XRCC4: variants seen among roughly 807,000 people sequenced by gnomAD.
The protein encoded by XRCC4 is DNA repair protein XRCC4.
In XRCC4, 28 loss-of-function variants were observed where a neutral mutation model predicts 39.1. That is an observed-to-expected ratio of 0.72 (90% CI 0.53 to 0.98). The LOEUF is 0.98. XRCC4 is among the 50% of genes least tolerant of loss of function. The pLI, the probability that XRCC4 is intolerant of heterozygous loss-of-function variation, is 0.00. For missense variants in XRCC4, 350 were observed against 376.4 expected (o/e 0.93, Z 0.58); for synonymous variants, 123 against 126.4 (o/e 0.97, Z 0.18).
chr5:83,112,430 C>T (rs747894236), intron 3 of XRCC4, among the ~76,000 whole-genome samples: 6 of 152,238 alleles, frequency 3.9e-5, no homozygotes, highest in South Asian at 2.1e-4. Context: ...TTTTGTGCAG[C>T]GATTTTCTAG....
intron 6 of XRCC4, among the ~76,000 whole-genome samples, chr5:83,217,000 T>TA (rs535197147): frequency 0.049 from 7,141 of 146,376 alleles, 504 homozygotes; most frequent in African/African-American, 0.17. Context: ...AGTTTCTTTC[T>TA]AAAAAAAAAA....
At chr5:83,112,368 G>T (rs1746483147) in intron 3 of XRCC4, among the ~76,000 whole-genome samples, 1 of 152,164 alleles carries the variant, frequency 6.6e-6, no homozygotes, top group Non-Finnish European at 1.5e-5. Context: ...GCCAAATTGG[G>T]ATTAATGCCA....
At chr5:83,327,611 AAATATAT>A (rs1392668445) in intron 7 of XRCC4, among the ~76,000 whole-genome samples, 1 of 152,118 alleles carries the variant, frequency 6.6e-6, no homozygotes, top group African/African-American at 2.4e-5. Flanking sequence ...TGTATACCAT[AAATATAT>A]ACAATTATTT....
At chr5:83,168,859 A>G (rs981336550) in intron 3 of XRCC4, among the ~76,000 whole-genome samples, 2 of 152,332 alleles carry the variant, frequency 1.3e-5, no homozygotes, top group South Asian at 2.1e-4. Flanking sequence ...TTAAATGCAT[A>G]TTTTAGCAAA....
At chr5:83,345,100 A>T (rs1756878919) in intron 7 of XRCC4, among the ~76,000 whole-genome samples, 1 of 152,174 alleles carries the variant, frequency 6.6e-6, no homozygotes, top group Non-Finnish European at 1.5e-5. Context: ...AACATTGTTA[A>T]TAGGAGTTCT....
At chr5:83,180,092 T>G (rs1420536466) in intron 3 of XRCC4, among the ~76,000 whole-genome samples, 1 of 152,172 alleles carries the variant, frequency 6.6e-6, no homozygotes. Context: ...TTTTTATCAT[T>G]TCTTCAGTAG....
chr5:83,121,020 A>G (rs373468973), intron 3 of XRCC4, among the ~76,000 whole-genome samples: 1 of 152,324 alleles, frequency 6.6e-6, no homozygotes, highest in Admixed American at 6.5e-5. Context: ...TACATTATCC[A>G]TACATTTAAC....
chr5:83,151,615 CATAAT>C (rs1204278193), intron 3 of XRCC4, among the ~76,000 whole-genome samples: 2 of 151,946 alleles, frequency 1.3e-5, no homozygotes, highest in African/African-American at 4.8e-5. Flanking sequence ...ATTAAGTTCC[CATAAT>C]ATAATAGCCA....
At chr5:83,355,039 T>C (rs527312334), downstream of XRCC4, among the ~76,000 whole-genome samples, 51 of 152,252 alleles carry the variant, frequency 3.3e-4, 1 homozygote, top group South Asian at 0.01. Context: ...AAGTTTGATA[T>C]GATGGCACCC....
At chr5:83,158,553 C>T (rs1749063345) in intron 3 of XRCC4, among the ~76,000 whole-genome samples, 1 of 151,926 alleles carries the variant, frequency 6.6e-6, no homozygotes, top group African/African-American at 2.4e-5. Flanking sequence ...GTAAAATCAT[C>T]ATGGATTTTG....
At chr5:83,158,565 AAAAC>A (rs1452463165) in intron 3 of XRCC4, among the ~76,000 whole-genome samples, 2 of 152,150 alleles carry the variant, frequency 1.3e-5, no homozygotes, top group African/African-American at 4.8e-5. Flanking sequence ...TGGATTTTGA[AAAAC>A]AAAAGAGGAA....
intron 1 of XRCC4, among the ~76,000 whole-genome samples, chr5:83,103,488 G>T (rs1382373): frequency 6.6e-6 from 1 of 151,974 alleles, no homozygotes; most frequent in Non-Finnish European, 1.5e-5. Context: ...CTGGTACAAC[G>T]CTTTTAGAAA....
chr5:83,231,086 T>A (rs976761722), intron 6 of XRCC4, among the ~76,000 whole-genome samples: 3 of 152,012 alleles, frequency 2.0e-5, no homozygotes, highest in Non-Finnish European at 4.4e-5. Flanking sequence ...CAGCATAGCC[T>A]ATTTTAGTGG....
At chr5:83,221,509 A>G (rs1752082460) in intron 6 of XRCC4, among the ~76,000 whole-genome samples, 1 of 152,090 alleles carries the variant, frequency 6.6e-6, no homozygotes. Flanking sequence ...AAAATCCTGT[A>G]GTTGAGTGTG....
intron 3 of XRCC4, among the ~76,000 whole-genome samples, chr5:83,169,154 C>T (rs1749617370): frequency 6.6e-6 from 1 of 152,066 alleles, no homozygotes; most frequent in African/African-American, 2.4e-5. Context: ...TCTTATTTTC[C>T]ATCTATTTTG....
Position 83,117,903 on chromosome 5 carries a change from C to T in XRCC4, c.315+6700C>T, listed in dbSNP as rs567965783. Among the ~76,000 whole-genome samples the T allele has an allele frequency of 1.8e-4, 27 of 151,932 alleles. No homozygotes were observed. The South Asian group carries it at 5.6e-3, about 32-fold the overall frequency. On this transcript the variant is annotated intron_variant, in intron 3 of 7. Coordinates refer to ENST00000396027, the MANE Select transcript of XRCC4 (RefSeq NM_003401.5). ...TCCTGGTGCTCTCCCCTTGCCTGGA[C>T]CCCCTGACCAGCCCCAGTATGCATT...
intron 6 of XRCC4, among the ~76,000 whole-genome samples, chr5:83,229,727 T>C (rs1020597205): frequency 3.2e-4 from 47 of 148,278 alleles, no homozygotes; most frequent in African/African-American, 1.1e-3. Context: ...AAACACCGAG[T>C]TAATAAAAAC....
At chr5:83,279,246 A>C (rs1754452865) in intron 7 of XRCC4, among the ~76,000 whole-genome samples, 1 of 151,766 alleles carries the variant, frequency 6.6e-6, no homozygotes, top group South Asian at 2.1e-4. Context: ...AATTTGACAC[A>C]CAATTAGCAT....
At chr5:83,173,670 T>C (rs1350770920) in intron 3 of XRCC4, among the ~76,000 whole-genome samples, 1 of 152,210 alleles carries the variant, frequency 6.6e-6, no homozygotes, top group Non-Finnish European at 1.5e-5. Context: ...TAGCCACTTT[T>C]GGCCTCCAGT....
Sources: gnomAD v4.1 joint callset for allele counts (sites outside exome capture counted in the v4.1 genomes callset) on GRCh38, gnomAD v4.1.1 for gene constraint, MANE v1.5 for transcripts, NCBI Gene and HGNC (gene_info 2026-07-23, HGNC 2026-07-21) for gene names.